SNX25: variants seen among roughly 807,000 people sequenced by gnomAD.
SNX25 encodes the protein sorting nexin 25.
In SNX25, 62 loss-of-function variants were observed where a neutral mutation model predicts 113.7. The observed-to-expected ratio is 0.55, with a 90% confidence interval of 0.44 to 0.67. The LOEUF (loss-of-function observed/expected upper bound fraction) is 0.67, where lower values mean the gene tolerates loss of function less well. Ranked by LOEUF, SNX25 falls within the 30% of genes least tolerant of loss-of-function variation. SNX25 has a pLI of 0.00. For missense variants in SNX25, 1,014 were observed against 1,161.0 expected, an observed-to-expected ratio of 0.87 and a Z score of 1.84; for synonymous variants, 421 against 436.2, an observed-to-expected ratio of 0.97 and a Z score of 0.43.
the SNX25 span, chr4:185,376,991 T>G: frequency 1.9e-6 from 3 of 1,613,460 alleles, no homozygotes; most frequent in Non-Finnish European, 1.7e-6. Flanking sequence ...CTGCAATGCC[T>G]TATCCACCAA....
chr4:185,240,786 T>C (rs1167482472), intron 1 of SNX25, among the ~76,000 whole-genome samples: 1 of 147,122 alleles, frequency 6.8e-6, no homozygotes, highest in Non-Finnish European at 1.5e-5. Context: ...GCGGAGGGGC[T>C]CCTCACTTCT....
chr4:185,213,513 C>T (rs1302093464), intron 1 of SNX25, among the ~76,000 whole-genome samples: 1 of 152,150 alleles, frequency 6.6e-6, no homozygotes, highest in African/African-American at 2.4e-5. Context: ...CAGAGCGGAG[C>T]GGAACTGTGA....
intron 13 of SNX25, among the ~76,000 whole-genome samples, chr4:185,349,676 A>G (rs2095305830): frequency 6.6e-6 from 1 of 151,606 alleles, no homozygotes; most frequent in South Asian, 2.1e-4. Context: ...TTCCATTTTT[A>G]TGTTTTCATT....
At chr4:185,298,457 C>A (rs1373053557) in intron 6 of SNX25, among the ~76,000 whole-genome samples, 1 of 152,046 alleles carries the variant, frequency 6.6e-6, no homozygotes, top group Non-Finnish European at 1.5e-5. Flanking sequence ...ATATATTTTT[C>A]ATACTGAAGT....
chr4:185,318,449 A>G (rs1561006490), intron 7 of SNX25, among the ~76,000 whole-genome samples: 2 of 152,156 alleles, frequency 1.3e-5, no homozygotes, highest in Non-Finnish European at 2.9e-5. Context: ...TCCTGTGAGT[A>G]TGTAAAACAG....
intron 4 of SNX25, among the ~76,000 whole-genome samples, chr4:185,266,745 T>G (rs1288211999): frequency 6.6e-6 from 1 of 152,196 alleles, no homozygotes; most frequent in Non-Finnish European, 1.5e-5. Context: ...TTTATTAAAA[T>G]GACAACTTGA....
At chr4:185,226,716 G>T (rs777616995) in intron 1 of SNX25, among the ~76,000 whole-genome samples, 2 of 152,204 alleles carry the variant, frequency 1.3e-5, no homozygotes, top group Non-Finnish European at 2.9e-5. Context: ...CTCCCAAAGT[G>T]CTGGGATTAC....
chr4:185,345,537 G>A (rs1239460600), intron 12 of SNX25, among the ~76,000 whole-genome samples: 1 of 152,166 alleles, frequency 6.6e-6, no homozygotes, highest in African/African-American at 2.4e-5. Flanking sequence ...ACTCATGCCT[G>A]TAATTCCAGC....
chr4:185,315,133 CAGG>C (rs1372273671), intron 7 of SNX25, among the ~76,000 whole-genome samples: 1 of 150,588 alleles, frequency 6.6e-6, no homozygotes, highest in Non-Finnish European at 1.5e-5. Context: ...GAGGCTGAGG[CAGG>C]AGAAGGGCGT....
Position 185,300,840 on chromosome 4 carries a change from G to GACACACAGACAC in SNX25, c.1163-9788_1163-9787insGACACACACACA, listed in dbSNP as rs1554001714. 3.6e-5 allele frequency among the ~76,000 whole-genome samples: 5 copies of GACACACAGACAC among 140,788 alleles called. No homozygotes were observed. The East Asian group carries it at 8.8e-4, about 25-fold the overall frequency. 92.4% of individuals were successfully genotyped at this position (140,788 alleles called of 152,430 possible). On this transcript the variant is annotated intron_variant, in intron 6 of 18. Coordinates refer to ENST00000652585, the MANE Select transcript of SNX25 (RefSeq NM_001378034.2). Reference sequence around the variant, plus strand: ...ATGCCTGTGGTATTATGATTATTATGACACACACACACACACACACACACA... The same window carrying GACACACAGACAC: ...ATGCCTGTGGTATTATGATTATTATGACACACAGACACACACACACACACACACACACACACA...
intron 1 of SNX25, among the ~76,000 whole-genome samples, chr4:185,246,405 A>T (rs1007554949): frequency 2.0e-5 from 3 of 152,240 alleles, no homozygotes; most frequent in African/African-American, 7.2e-5. Context: ...CCTGGTGAAC[A>T]TTAGATAGGT....
In SNX25 at chr4:185,352,274, G is replaced by A. The variant is rs375218672; in HGVS notation, c.2466+665G>A. On this transcript the variant is annotated intron_variant, in intron 14 of 18. Transcript: ENST00000652585. ...CCTGGCCCTCTAGCAAATTGCACAG[G>A]ACCAGCTCTGAAATGTGGCTTCCCC... Among the ~76,000 whole-genome samples, 4 of 152,282 alleles carry A rather than the reference G, an allele frequency of 2.6e-5. No homozygotes were observed. The East Asian group carries it at 7.7e-4, about 29-fold the overall frequency.
chr4:185,216,920 A>G (rs1738943684), intron 1 of SNX25, among the ~76,000 whole-genome samples: 1 of 152,178 alleles, frequency 6.6e-6, no homozygotes, highest in Admixed American at 6.5e-5. Flanking sequence ...GAGTACATGT[A>G]CCGTTTGAGA....
At chr4:185,238,969 T>C (rs1743077793) in intron 1 of SNX25, among the ~76,000 whole-genome samples, 1 of 152,130 alleles carries the variant, frequency 6.6e-6, no homozygotes, top group Non-Finnish European at 1.5e-5. Flanking sequence ...TCCTGATTGT[T>C]CAGTTGCTTC....
chr4:185,347,421 CATT>C (rs2095292707), intron 13 of SNX25, among the ~76,000 whole-genome samples: 2 of 152,024 alleles, frequency 1.3e-5, no homozygotes, highest in African/African-American at 4.8e-5. Context: ...AGTAGTATCT[CATT>C]GTGTTTGGGG....
chr4:185,309,211 T>C lies in SNX25; in HGVS notation c.1163-1424T>C, dbSNP rs113996975. Among the ~76,000 whole-genome samples, 613 of 152,272 alleles carry C rather than the reference T, an allele frequency of 4.0e-3. 1 individual carries two copies. Among genetic ancestry groups the C allele is most frequent in the African/African-American group, 0.013 (544 of 41,548 alleles). ...CCATATAGATCTCTCCAAGGACTGA[T>C]GGCTTAGGCTTCCTCAAAGCATGGA... On this transcript the variant is annotated intron_variant, in intron 6 of 18. Coordinates refer to ENST00000652585, the MANE Select transcript of SNX25 (RefSeq NM_001378034.2).
chr4:185,243,244 T>A (rs567642751), intron 1 of SNX25, among the ~76,000 whole-genome samples: 1 of 152,210 alleles, frequency 6.6e-6, no homozygotes. Context: ...TACAGTTCAG[T>A]GATACTAAAT....
Position 185,332,750 on chromosome 4 carries a change from TGAC to T in SNX25, c.1906_1908del (p.Asp636del). ...ATTCTATTCAAAATGCACCAAAACC[TGAC>T]AAGAAGGTAACTCTTTGCTTTCAAG... On this transcript the variant is annotated inframe_deletion, in exon 10 of 19. Coordinates refer to ENST00000652585, the MANE Select transcript of SNX25 (RefSeq NM_001378034.2). 1 of 1,613,054 alleles carries T rather than the reference TGAC, an allele frequency of 6.2e-7. No homozygotes were observed.
At chr4:185,259,277 TATAA>T (rs1484586364) in intron 3 of SNX25, among the ~76,000 whole-genome samples, 1 of 152,162 alleles carries the variant, frequency 6.6e-6, no homozygotes, top group Non-Finnish European at 1.5e-5. Context: ...CAATTAATTC[TATAA>T]ATAAACAGTA....
Sources: allele counts gnomAD v4.1 joint callset (sites outside exome capture counted in the v4.1 genomes callset), GRCh38; gene constraint gnomAD v4.1.1; transcripts MANE v1.5; gene names NCBI Gene and HGNC (gene_info 2026-07-23, HGNC 2026-07-21).